The following FER1L5 variants were observed in gnomAD, a reference collection of about 807,000 sequenced individuals.
The protein encoded by FER1L5 is fer-1 like family member 5.
FER1L5 carries 187 observed loss-of-function variants against 279.9 expected under a neutral mutation model. The observed-to-expected ratio is 0.67, with a 90% CI of 0.59 to 0.75. FER1L5 has a LOEUF of 0.75. Among genes scored for constraint, FER1L5 ranks in the 30% least tolerant of loss-of-function variants. FER1L5 has a pLI of 0.00. For missense variants in FER1L5, 2,091 were observed against 2,594.4 expected, an observed-to-expected ratio of 0.81 and a Z score of 4.21; for synonymous variants, 921 against 989.7, an observed-to-expected ratio of 0.93 and a Z score of 1.30.
At position 96,670,053 on chromosome 2, in the gene FER1L5, T is replaced by G. The variant is rs1048088005; in HGVS notation, c.1363-66T>G. 8 of 1,544,182 alleles carry G rather than the reference T, an allele frequency of 5.2e-6. No individual in the cohort carries two copies. The African/African-American group carries it at 1.1e-4, about 21-fold the overall frequency. On this transcript the variant is annotated intron_variant, in intron 17 of 52. Coordinates refer to ENST00000624922, the MANE Select transcript of FER1L5 (RefSeq NM_001293083.2). ...CAACCTTGTCTTTGCCTCAGGGGTT[T>G]CAAAGGAGATTGGCCTGTTCTTTTT...
chr2:96,668,840 G>A (rs1358452776), intron 15 of FER1L5, 46 bp downstream of exon 15: 13 of 1,551,542 alleles, frequency 8.4e-6, no homozygotes, highest in Non-Finnish European at 9.6e-6. Context: ...AGGAAGAAAT[G>A]AGAGCTGGGC....
intron 16 of FER1L5, 32 bp from the exon 17 acceptor site, chr2:96,669,011 C>G: frequency 6.4e-7 from 1 of 1,551,650 alleles, no homozygotes; most frequent in Non-Finnish European, 8.7e-7. Flanking sequence ...CCTCGTCCTG[C>G]GCCCGACCCT....
Position 96,689,393 on chromosome 2 carries a change from C to T in FER1L5, c.2525+17C>T, listed in dbSNP as rs1009414986. 1.9e-6 allele frequency: 3 copies of T among 1,545,056 alleles called. No homozygotes were observed. Among genetic ancestry groups the T allele is most frequent in the Non-Finnish European group, 2.6e-6 (3 of 1,145,448 alleles). ...TCAGAGAAGGTAAGGCCAGAGGGGG[C>T]AGGCCCCACCAGAGGGGACACTTCA... On this transcript the variant is annotated intron_variant, in intron 25 of 52. Coordinates refer to ENST00000624922, the MANE Select transcript of FER1L5 (RefSeq NM_001293083.2). This position sits in a 1 kb window ranked among gnomAD's most constrained non-coding sequence, Gnocchi z 4.6.
chr2:96,664,319 T>C lies in FER1L5; in HGVS notation c.1140+812T>C, dbSNP rs371357190. ...ACCTCCAAAAGTTGCCTAATGCCTC[T>C]TGGGAATCCCTCCCTGTGATTCCTA... On this transcript the variant is annotated intron_variant, in intron 14 of 52. Coordinates refer to ENST00000624922, the MANE Select transcript of FER1L5 (RefSeq NM_001293083.2). 2.2e-4 allele frequency among the ~76,000 whole-genome samples: 33 copies of C among 152,292 alleles called. No individual in the cohort carries two copies. In the East Asian group the frequency reaches 5.2e-3, roughly 24 times the overall value.
At chr2:96,696,181 A>G in intron 37 of FER1L5, 104 bp downstream of exon 37, 1 of 1,467,746 alleles carries the variant, frequency 6.8e-7, no homozygotes, top group Admixed American at 1.9e-5. Flanking sequence ...CCCGTGCCCA[A>G]CTGTGAGGCC....
At chr2:96,663,379 T>G in intron 13 of FER1L5, 60 bp from the exon 14 acceptor site, 34 of 1,470,204 alleles carry the variant, frequency 2.3e-5, no homozygotes, top group Non-Finnish European at 2.8e-5. Context: ...AGCTGGAAGG[T>G]GAGGTCAGTG....
chr2:96,687,799 A>T lies in FER1L5; in HGVS notation c.2230-17A>T. 6.5e-7 allele frequency: 1 copy of T among 1,546,634 alleles called. No individual in the cohort carries two copies. The highest frequency in any genetic ancestry group is 8.7e-7 in the Non-Finnish European group (1 of 1,143,774). ...GGTGTTTAGTGCCCCTGTGGGACCG[A>T]TCGGCCTCTGGCTCAGTACCCAGAG... On this transcript the variant is annotated splice_polypyrimidine_tract_variant and intron_variant, in intron 23 of 52. Coordinates refer to ENST00000624922, the MANE Select transcript of FER1L5 (RefSeq NM_001293083.2).
At chr2:96,693,871 C>A in intron 32 of FER1L5, 40 bp from the exon 33 acceptor site, 1 of 1,511,472 alleles carries the variant, frequency 6.6e-7, no homozygotes, top group Non-Finnish European at 8.9e-7. Flanking sequence ...CTGGGCCCTG[C>A]CAGCATGGCC....
intron 37 of FER1L5, 104 bp from the exon 38 acceptor site, chr2:96,697,422 G>C (rs1036227271): frequency 7.7e-7 from 1 of 1,300,520 alleles, no homozygotes; most frequent in Non-Finnish European, 1.1e-6. Context: ...AAAGGCAAGG[G>C]CAAGGGCACC....
chr2:96,688,899 C>A, intron 24 of FER1L5: 1 of 288,800 alleles, frequency 3.5e-6, no homozygotes. Flanking sequence ...GCTGAGCACT[C>A]AGGCCCTGCT....
Position 96,677,928 on chromosome 2 carries a change from G to T in FER1L5, c.1669+4674G>T, listed in dbSNP as rs140072165. ...CGTATACAAGTCTTTAAGTGGAATG[G>T]CTTTTTAAGAAACTGCCAAGCTTTT... On this transcript the variant is annotated intron_variant, in intron 19 of 52. Coordinates refer to ENST00000624922, the MANE Select transcript of FER1L5 (RefSeq NM_001293083.2). 8.1e-3 allele frequency among the ~76,000 whole-genome samples: 1,237 copies of T among 151,878 alleles called. 9 individuals are homozygous for T. The highest frequency in any genetic ancestry group is 0.011 in the Non-Finnish European group (758 of 67,966).
Position 96,643,158 on chromosome 2 carries a change from C to G in FER1L5, c.85+237C>G, listed in dbSNP as rs553297211. ...AAAAGAGAGGACTAGTGCTTCTGGACCTTCTTCCATGACCTGGAGCTGTGC... is the reference window on the plus strand; with the variant it reads ...AAAAGAGAGGACTAGTGCTTCTGGAGCTTCTTCCATGACCTGGAGCTGTGC... On this transcript the variant is annotated intron_variant, in intron 1 of 52. Coordinates refer to ENST00000624922, the MANE Select transcript of FER1L5 (RefSeq NM_001293083.2). 1.5e-4 allele frequency among the ~76,000 whole-genome samples: 23 copies of G among 152,246 alleles called. No individual in the cohort carries two copies. The East Asian group carries it at 4.2e-3, about 28-fold the overall frequency.
chr2:96,685,616 C>G (rs2076892600), intron 21 of FER1L5, among the ~76,000 whole-genome samples, 187 bp downstream of exon 21: 2 of 152,198 alleles, frequency 1.3e-5, no homozygotes, highest in South Asian at 4.1e-4. Flanking sequence ...CTGACCGCCC[C>G]ATCAGAATGG....
In FER1L5 at chr2:96,670,162, G is replaced by A. The variant is rs889450920; in HGVS notation, c.1406G>A (p.Arg469Gln). The change falls in exon 18 of 53, where the codon CGA (arginine) becomes CAA (glutamine). Residue 469 changes from arginine (R) to glutamine (Q), a missense_variant. By Grantham distance (43) the Arg-to-Gln change is conservative. Transcript: ENST00000624922. ...SVRDGLAYRG[R>Q]VFLELITQIK... ...AGGGATGGTTTAGCTTATCGAGGCC[G>A]AGTCTTCCTGGAGTTAATCACCCAA... 7.1e-6 allele frequency: 11 copies of A among 1,551,466 alleles called. No homozygotes were observed. Among genetic ancestry groups the A allele is most frequent in the South Asian group, 1.2e-5 (1 of 84,054 alleles).
intron 19 of FER1L5, among the ~76,000 whole-genome samples, chr2:96,683,647 C>T (rs2076814729): frequency 6.6e-6 from 1 of 152,120 alleles, no homozygotes; most frequent in African/African-American, 2.4e-5. Context: ...TCTCTTCTGC[C>T]CCCCATTCCT....
At chr2:96,675,728 AT>A (rs1352471672) in intron 19 of FER1L5, among the ~76,000 whole-genome samples, 2 of 151,940 alleles carry the variant, frequency 1.3e-5, no homozygotes, top group Non-Finnish European at 2.9e-5. Context: ...TGCCCAGCCT[AT>A]TTTTAAAATT....
chr2:96,658,743 T>C (rs969960771), intron 9 of FER1L5, among the ~76,000 whole-genome samples: 2 of 152,118 alleles, frequency 1.3e-5, no homozygotes, highest in African/African-American at 4.8e-5. Flanking sequence ...TTCACTGTGA[T>C]TGTAATTTAA....
chr2:96,667,705 A>T (rs1418056204), intron 14 of FER1L5, among the ~76,000 whole-genome samples: 3 of 152,176 alleles, frequency 2.0e-5, no homozygotes, highest in African/African-American at 7.2e-5. Context: ...ATGGCTAGAC[A>T]TGATGAAGAC....
At chr2:96,683,179 A>G (rs2076794145) in intron 19 of FER1L5, among the ~76,000 whole-genome samples, 1 of 152,218 alleles carries the variant, frequency 6.6e-6, no homozygotes, top group Non-Finnish European at 1.5e-5. Flanking sequence ...ATAACAAAGT[A>G]CTACAAGCCA....
Sources: gnomAD v4.1 joint callset for allele counts (sites outside exome capture counted in the v4.1 genomes callset) on GRCh38, gnomAD v4.1.1 for gene constraint, Gnocchi (gnomAD v3.1) non-coding constraint, MANE v1.5 for transcripts, NCBI Gene and HGNC (gene_info 2026-07-23, HGNC 2026-07-21) for gene names.